Variants in LIMCH1 observed in about 807,000 individuals in gnomAD.
LIMCH1 encodes LIM and calponin homology domains 1.
A neutral mutation model predicts 176.5 loss-of-function variants in LIMCH1; 113 were observed. The observed-to-expected ratio is 0.64, with a 90% CI of 0.55 to 0.75. The LOEUF is 0.75. Among genes scored for constraint, LIMCH1 ranks in the 30% least tolerant of loss-of-function variants. LIMCH1 has a pLI of 0.00. For missense variants in LIMCH1, 1,674 were observed against 1,814.9 expected (o/e 0.92, Z 1.41); for synonymous variants, 619 against 645.9 (o/e 0.96, Z 0.63).
chr4:41,458,877 T>G (rs745476546), intron 1 of LIMCH1, among the ~76,000 whole-genome samples: 56 of 152,064 alleles, frequency 3.7e-4, no homozygotes, highest in Non-Finnish European at 7.1e-4. Context: ...TGACAGTGTT[T>G]AAATAGTGTA....
chr4:41,606,379 G>A (rs992488287), intron 4 of LIMCH1, among the ~76,000 whole-genome samples: 1 of 152,126 alleles, frequency 6.6e-6, no homozygotes, highest in Non-Finnish European at 1.5e-5. Context: ...CTGCACTTTT[G>A]TGCTAAAGGG....
At chr4:41,683,640 T>C (rs1718124112) in intron 26 of LIMCH1, among the ~76,000 whole-genome samples, 1 of 152,330 alleles carries the variant, frequency 6.6e-6, no homozygotes, top group South Asian at 2.1e-4. Flanking sequence ...AGAGCTTTCC[T>C]GGTGGGATTT....
chr4:41,388,923 G>A (rs4861101), intron 1 of LIMCH1, among the ~76,000 whole-genome samples: 55,208 of 152,126 alleles, frequency 0.36, 11,205 homozygotes, highest in African/African-American at 0.55. Flanking sequence ...GATTACAGGC[G>A]TGAGCCACTG....
chr4:41,541,307 G>C (rs2152474634), intron 1 of LIMCH1, among the ~76,000 whole-genome samples: 2 of 149,044 alleles, frequency 1.3e-5, no homozygotes, highest in African/African-American at 4.9e-5. Context: ...GATTCGGGAA[G>C]GCTGGATTCC....
At chr4:41,612,435 G>A (rs2091539643) in intron 4 of LIMCH1, 3 of 659,186 alleles carry the variant, frequency 4.6e-6, no homozygotes, top group Admixed American at 4.4e-5. Context: ...ATGAGAACAT[G>A]CCTCTCTGCC....
chr4:41,651,649 G>T (rs1400482643), intron 18 of LIMCH1, among the ~76,000 whole-genome samples: 5 of 152,164 alleles, frequency 3.3e-5, no homozygotes, highest in Middle Eastern at 3.4e-3. Flanking sequence ...GAAAATAACT[G>T]GTGCTATCAG....
chr4:41,626,804 G>T lies in LIMCH1; in HGVS notation c.822G>T (p.Glu274Asp). The T allele has an allele frequency of 2.6e-6, 4 of 1,536,338 alleles. No homozygotes were observed. Among genetic ancestry groups the T allele is most frequent in the East Asian group, 2.4e-5 (1 of 40,900 alleles). ...CCCACCAACATGGCAACGATTCAGA[G>T]GCAGAAGGTGAAGTTGTGTGTCGAC... ...FLTHQHGNDS[E>D]AEGEVVCRLP... Residue 274 changes from glutamate (E) to aspartate (D), a missense_variant, in exon 8 of 32, where the codon GAG (glutamate) becomes GAT (aspartate). Physicochemically the swap from Glu to Asp is conservative, Grantham distance 45. Coordinates refer to ENST00000503057, the MANE Select transcript of LIMCH1 (RefSeq NM_001330672.2).
intron 1 of LIMCH1, among the ~76,000 whole-genome samples, chr4:41,453,895 T>C (rs1375119674): frequency 6.6e-6 from 1 of 152,182 alleles, no homozygotes; most frequent in Non-Finnish European, 1.5e-5. Flanking sequence ...GGGAACAGTC[T>C]TTCTTTTTCC....
chr4:41,439,694 G>A lies in LIMCH1; in HGVS notation c.97-54842G>A, dbSNP rs1582192954. Among the ~76,000 whole-genome samples the A allele has an allele frequency of 2.0e-5, 3 of 152,156 alleles. No individual in the cohort carries two copies. The South Asian group carries it at 6.2e-4, about 32-fold the overall frequency. The stretch of plus-strand genomic sequence containing the variant: ...CTGAGGTGGGCAGATCACGAGGTCA[G>A]GAGTTAGAGAACAGCCTGGCCAACA... On this transcript the variant is annotated intron_variant, in intron 1 of 26. Transcript: ENST00000313860.
chr4:41,593,426 C>T (rs1462159716), intron 1 of LIMCH1, among the ~76,000 whole-genome samples: 2 of 152,200 alleles, frequency 1.3e-5, no homozygotes, highest in African/African-American at 4.8e-5. Context: ...CCATCAGTAG[C>T]ACCTGAGGAT....
chr4:41,559,254 G>C (rs1478428115), intron 1 of LIMCH1, among the ~76,000 whole-genome samples: 1 of 152,088 alleles, frequency 6.6e-6, no homozygotes, highest in Non-Finnish European at 1.5e-5. Context: ...TCTTACAGGA[G>C]CACCTTCAAT....
upstream of LIMCH1, among the ~76,000 whole-genome samples, chr4:41,533,625 C>T (rs1285582277): frequency 6.6e-6 from 1 of 152,160 alleles, no homozygotes; most frequent in Non-Finnish European, 1.5e-5. Context: ...GACATAATTC[C>T]TGCCTTTTAG....
intron 1 of LIMCH1, among the ~76,000 whole-genome samples, chr4:41,399,043 G>GT (rs2058095391): frequency 6.6e-6 from 1 of 152,170 alleles, no homozygotes; most frequent in African/African-American, 2.4e-5. Flanking sequence ...GCCCATTGCT[G>GT]TGCCACCATG....
intron 3 of LIMCH1, among the ~76,000 whole-genome samples, chr4:41,604,928 C>T (rs568715725): frequency 6.8e-4 from 103 of 151,894 alleles, no homozygotes; most frequent in Non-Finnish European, 1.2e-3. Context: ...CCATGTTGTC[C>T]GAAACATTTT....
chr4:41,525,317 C>T (rs4273503), intron 3 of LIMCH1, among the ~76,000 whole-genome samples: 160 of 152,308 alleles, frequency 1.1e-3, no homozygotes, highest in Non-Finnish European at 1.7e-3. Flanking sequence ...CCATTGTGAT[C>T]GCCTTCTGCG....
At chr4:41,588,035 T>G (rs896267272) in intron 1 of LIMCH1, among the ~76,000 whole-genome samples, 3 of 152,218 alleles carry the variant, frequency 2.0e-5, no homozygotes, top group Admixed American at 6.5e-5. Flanking sequence ...GCTGCGCCCA[T>G]TAACTCGTCA....
chr4:41,446,252 G>A (rs1374090729), intron 1 of LIMCH1, among the ~76,000 whole-genome samples: 1 of 152,080 alleles, frequency 6.6e-6, no homozygotes, highest in Non-Finnish European at 1.5e-5. Flanking sequence ...GATGAGGGGA[G>A]GGGAGTAAGG....
chr4:41,455,408 T>G (rs913428699), intron 1 of LIMCH1, among the ~76,000 whole-genome samples: 2 of 152,184 alleles, frequency 1.3e-5, no homozygotes, highest in African/African-American at 4.8e-5. Context: ...GGAGAAACAC[T>G]GCTCAGCTGG....
At chr4:41,389,709 ATAAAAT>A (rs2056981576) in intron 1 of LIMCH1, 1 of 152,240 alleles carries the variant, frequency 6.6e-6, no homozygotes, top group African/African-American at 2.4e-5. Context: ...CTTTTGGGAA[ATAAAAT>A]TAAATAAAAA....
Sources: gnomAD v4.1 joint callset for allele counts (sites outside exome capture counted in the v4.1 genomes callset) on GRCh38, gnomAD v4.1.1 for gene constraint, MANE v1.5 for transcripts, NCBI Gene and HGNC (gene_info 2026-07-23, HGNC 2026-07-21) for gene names.